Variants in MBNL3 observed in about 807,000 individuals in gnomAD.
MBNL3 encodes muscleblind-like protein 3.
A neutral mutation model predicts 24.5 loss-of-function variants in MBNL3; 6 were observed. That is an observed-to-expected ratio of 0.25 (90% CI 0.13 to 0.48). MBNL3 has a LOEUF of 0.48. Ranked by LOEUF, MBNL3 falls within the 20% of genes least tolerant of loss-of-function variation. The pLI is 0.99. For synonymous variants in MBNL3, 100 were observed against 101.7 expected, an observed-to-expected ratio of 0.98 and a Z score of 0.10; for missense variants, 230 against 293.5, an observed-to-expected ratio of 0.78 and a Z score of 1.58.
chrX:132,411,978 C>A (rs2148322662), intron 2 of MBNL3, among the ~76,000 whole-genome samples: 1 of 111,783 alleles, frequency 8.9e-6, no homozygotes, highest in South Asian at 3.8e-4. Flanking sequence ...TCTTTCTTCT[C>A]CCTCCAAGAA....
intron 1 of MBNL3, among the ~76,000 whole-genome samples, chrX:132,450,128 C>T (rs762188693): frequency 1.8e-5 from 2 of 110,517 alleles, no homozygotes; most frequent in Non-Finnish European, 3.8e-5. Context: ...GAGAATCTGA[C>T]GGTTATTTGT....
intron 3 of MBNL3, among the ~76,000 whole-genome samples, chrX:132,398,610 G>T (rs914298744): frequency 9.0e-6 from 1 of 111,496 alleles, no homozygotes; most frequent in African/African-American, 3.3e-5. Context: ...GTAGTTCAAA[G>T]AATTAAGTGG....
At chrX:132,464,597 C>T (rs2148504435) in intron 1 of MBNL3, among the ~76,000 whole-genome samples, 1 of 111,998 alleles carries the variant, frequency 8.9e-6, no homozygotes, top group South Asian at 3.7e-4. Context: ...TCTTTACGAG[C>T]TTATTCGGGC....
At chrX:132,456,463 A>G (rs1219679747) in intron 1 of MBNL3, among the ~76,000 whole-genome samples, 1 of 112,157 alleles carries the variant, frequency 8.9e-6, no homozygotes, top group East Asian at 2.8e-4. Context: ...TTGATTATTA[A>G]GTAATAGATA....
intron 3 of MBNL3, among the ~76,000 whole-genome samples, chrX:132,405,021 A>C (rs1941551719): frequency 8.9e-6 from 1 of 112,001 alleles, no homozygotes; most frequent in Non-Finnish European, 1.9e-5. Context: ...GACAGTTTTC[A>C]ATTCTCCCTA....
At chrX:132,484,461 A>T (rs756268944) in intron 1 of MBNL3, among the ~76,000 whole-genome samples, 4 of 112,042 alleles carry the variant, frequency 3.6e-5, no homozygotes, top group Non-Finnish European at 7.5e-5. Flanking sequence ...ACATTCAAGG[A>T]AACCTGAGTA....
chrX:132,482,671 T>C (rs1360067717), intron 1 of MBNL3, among the ~76,000 whole-genome samples: 1 of 112,568 alleles, frequency 8.9e-6, no homozygotes, highest in African/African-American at 3.2e-5. Flanking sequence ...TTATGTATTT[T>C]GACCCTACAT....
chrX:132,421,775 A>C (rs1943841192), intron 2 of MBNL3, among the ~76,000 whole-genome samples: 1 of 111,648 alleles, frequency 9.0e-6, no homozygotes, highest in Admixed American at 9.5e-5. Context: ...TCTAGTTGGT[A>C]CTATTTTTAT....
intron 2 of MBNL3, among the ~76,000 whole-genome samples, chrX:132,433,287 CA>C (rs1343302476): frequency 1.8e-5 from 2 of 112,106 alleles, no homozygotes; most frequent in African/African-American, 6.5e-5. Context: ...GCAACCCTGA[CA>C]AGCTGTTATG....
At chrX:132,390,265 C>CAAAAAA (rs59093044) in intron 5 of MBNL3, among the ~76,000 whole-genome samples, 17 of 31,615 alleles carry the variant, frequency 5.4e-4, no homozygotes, top group Non-Finnish European at 7.9e-4. Context: ...ACAACAACAA[C>CAAAAAA]AAAAAAAAAA....
At chrX:132,426,261 T>C (rs1944297079) in intron 2 of MBNL3, among the ~76,000 whole-genome samples, 1 of 112,124 alleles carries the variant, frequency 8.9e-6, no homozygotes, top group South Asian at 3.8e-4. Context: ...AGACTTTCAC[T>C]GCAACTTCAA....
rs1942518636 is a variant in MBNL3, at chrX:132,410,163, T to C, written c.178-3771A>G. On this transcript the variant is annotated intron_variant, in intron 2 of 8. Transcript: ENST00000370853. ...TTTATAAAGCCTCCCAAATTCAATCTATTGCCTTCTTCCTACCTTCAGGCT... is the reference window on the plus strand; with the variant it reads ...TTTATAAAGCCTCCCAAATTCAATCCATTGCCTTCTTCCTACCTTCAGGCT... 6.2e-5 allele frequency among the ~76,000 whole-genome samples: 7 copies of C among 112,145 alleles called. No homozygotes were observed. The South Asian group carries it at 2.6e-3, about 42-fold the overall frequency.
chrX:132,487,140 T>TTTTC (rs1299539984), intron 1 of MBNL3, among the ~76,000 whole-genome samples: 1 of 111,433 alleles, frequency 9.0e-6, no homozygotes, highest in Non-Finnish European at 1.9e-5. Context: ...GTATTTTCAC[T>TTTTC]TTTCTTTCTT....
In MBNL3 at chrX:132,485,332, T is replaced by C. The variant is rs1177661248; in HGVS notation, c.-704+3519A>G. Among the ~76,000 whole-genome samples the C allele has an allele frequency of 3.6e-5, 4 of 112,059 alleles. No homozygotes were observed. The East Asian group carries it at 1.1e-3, about 31-fold the overall frequency. On this transcript the variant is annotated intron_variant, in intron 1 of 8. Transcript: ENST00000370853. ...TTCTCAAATAAAAATGATAAGGTCC[T>C]ACTTCCCAGATTGTATTGTTTTCTC...
chrX:132,373,889 G>A lies in MBNL3; in HGVS notation c.*5777C>T, dbSNP rs985509528. On this transcript the variant is annotated 3_prime_UTR_variant, in exon 9 of 9. Coordinates refer to ENST00000370853, the MANE Select transcript of MBNL3 (RefSeq NM_001386889.1). ...GCACAGTTAACTACTTTGTAATCTG[G>A]TAAAGGTAGGTCAAAAAACAGCTTC... 9.0e-6 allele frequency: 1 copy of A among 111,552 alleles called. No individual in the cohort carries two copies. The allele number at this position is 111,552 out of a possible 1,213,427, so 9.2% of individuals were successfully genotyped here. A position where few individuals can be genotyped will look rare whatever the true frequency, so the allele number is the denominator to read the frequency against.
intron 5 of MBNL3, among the ~76,000 whole-genome samples, chrX:132,387,577 G>T (rs1936328493): frequency 9.0e-6 from 1 of 111,160 alleles, no homozygotes; most frequent in Non-Finnish European, 1.9e-5. Context: ...AACAGATGTT[G>T]GTAGATCAGA....
intron 2 of MBNL3, among the ~76,000 whole-genome samples, chrX:132,436,545 T>G (rs753270232): frequency 2.7e-5 from 3 of 112,093 alleles, no homozygotes; most frequent in Non-Finnish European, 5.6e-5. Context: ...AAATGATTGT[T>G]TCAGTTATTT....
At chrX:132,486,531 C>T (rs766635685) in intron 1 of MBNL3, among the ~76,000 whole-genome samples, 60 of 112,303 alleles carry the variant, frequency 5.3e-4, no homozygotes, top group African/African-American at 1.7e-3. Flanking sequence ...GGCAAGAGAA[C>T]CCTTTAGAAG....
intron 2 of MBNL3, among the ~76,000 whole-genome samples, chrX:132,422,262 G>A (rs1413043857): frequency 9.0e-6 from 1 of 110,817 alleles, no homozygotes; most frequent in African/African-American, 3.3e-5. Flanking sequence ...GTACAAAAAA[G>A]TCACTAATCC....
Sources: allele counts gnomAD v4.1 joint callset (sites outside exome capture counted in the v4.1 genomes callset), GRCh38; gene constraint gnomAD v4.1.1; transcripts MANE v1.5; gene names NCBI Gene and HGNC (gene_info 2026-07-23, HGNC 2026-07-21).